Variants in MAST4 observed in about 807,000 individuals in gnomAD.
The protein encoded by MAST4 is microtubule associated serine/threonine kinase family member 4.
In MAST4, 89 loss-of-function variants were observed where a neutral mutation model predicts 162.7. The observed-to-expected ratio is 0.55, with a 90% CI of 0.46 to 0.65. MAST4 has a LOEUF of 0.65. Ranked by LOEUF, MAST4 falls within the 30% of genes least tolerant of loss-of-function variation. MAST4 has a pLI of 0.00. For missense variants in MAST4, 3,153 were observed against 3,374.0 expected (o/e 0.93, Z 1.62); for synonymous variants, 1,479 against 1,361.1 (o/e 1.09, Z -1.91).
chr5:67,027,193 A>T (rs1754752431), intron 4 of MAST4, among the ~76,000 whole-genome samples: 1 of 152,298 alleles, frequency 6.6e-6, no homozygotes, highest in Non-Finnish European at 1.5e-5. Context: ...GTACTAAGAA[A>T]GGTGATTTGA....
chr5:66,612,258 A>G (rs1191269972), intron 1 of MAST4, among the ~76,000 whole-genome samples: 3 of 152,180 alleles, frequency 2.0e-5, no homozygotes, highest in Non-Finnish European at 4.4e-5. Context: ...TCTGAAGGGC[A>G]GAAAAGGAGG....
intron 1 of MAST4, among the ~76,000 whole-genome samples, chr5:66,684,896 T>C (rs927523189): frequency 6.6e-6 from 1 of 152,180 alleles, no homozygotes; most frequent in Non-Finnish European, 1.5e-5. Flanking sequence ...TGCTGACTGC[T>C]ACAATTCCAG....
chr5:66,705,632 C>T (rs888432623), intron 1 of MAST4, among the ~76,000 whole-genome samples: 2 of 152,146 alleles, frequency 1.3e-5, no homozygotes, highest in African/African-American at 4.8e-5. Flanking sequence ...ATTTTTGTAG[C>T]CATATGCCTG....
intron 2 of MAST4, among the ~76,000 whole-genome samples, chr5:66,764,675 A>G (rs989211362): frequency 1.3e-5 from 2 of 152,208 alleles, no homozygotes; most frequent in Non-Finnish European, 2.9e-5. Context: ...TTATAGAATA[A>G]GGATATAAAG....
At chr5:66,601,647 C>T (rs139921444) in intron 1 of MAST4, among the ~76,000 whole-genome samples, 60 of 152,144 alleles carry the variant, frequency 3.9e-4, no homozygotes, top group Admixed American at 9.8e-4. Context: ...CAGGAGAGAG[C>T]ATGGGTCCAT....
chr5:66,621,690 C>T (rs987646252), intron 1 of MAST4, among the ~76,000 whole-genome samples: 20 of 152,300 alleles, frequency 1.3e-4, no homozygotes, highest in Non-Finnish European at 7.3e-5. Flanking sequence ...GTCTACCCAA[C>T]AAATACTAAT....
At chr5:66,820,297 T>C (rs781582774) in intron 3 of MAST4, among the ~76,000 whole-genome samples, 2 of 152,234 alleles carry the variant, frequency 1.3e-5, no homozygotes, top group Non-Finnish European at 2.9e-5. Flanking sequence ...TTTCAGAAGC[T>C]CATAAAATAC....
rs534215926 is a variant in MAST4 at position 67,037,123 on chromosome 5, A to G, written c.675-17281A>G. Among the ~76,000 whole-genome samples the G allele has an allele frequency of 3.9e-5, 6 of 152,272 alleles. No homozygotes were observed. In the South Asian group the frequency reaches 8.3e-4, roughly 21 times the overall value. On this transcript the variant is annotated intron_variant, in intron 4 of 28. Coordinates refer to ENST00000403625, the MANE Select transcript of MAST4 (RefSeq NM_001164664.2). ...CCAGTAAAAAGGAAAGGTCGGGTGC[A>G]GTGGCTTAAGCTTGTAATCCCAGCA... is the stretch of plus-strand genomic sequence containing the variant.
At chr5:66,963,519 G>C (rs1006399984) in intron 4 of MAST4, among the ~76,000 whole-genome samples, 1 of 152,194 alleles carries the variant, frequency 6.6e-6, no homozygotes, top group African/African-American at 2.4e-5. Context: ...GTAAATTTCA[G>C]CAGGAAGCAT....
intron 4 of MAST4, among the ~76,000 whole-genome samples, chr5:66,936,483 G>A (rs746502677): frequency 2.0e-5 from 3 of 152,220 alleles, no homozygotes; most frequent in Non-Finnish European, 4.4e-5. Flanking sequence ...TAGGGGTGGG[G>A]CCATTTTATA....
chr5:66,794,677 T>C (rs1054987913), intron 3 of MAST4, among the ~76,000 whole-genome samples: 1 of 152,218 alleles, frequency 6.6e-6, no homozygotes, highest in Non-Finnish European at 1.5e-5. Context: ...AAAAATATCT[T>C]TCTAGAATTC....
intron 1 of MAST4, among the ~76,000 whole-genome samples, chr5:66,614,283 CAGTTATTTTTATT>C (rs1743496841): frequency 6.6e-6 from 1 of 152,318 alleles, no homozygotes. Flanking sequence ...TTCTCTGTCT[CAGTTATTTTTATT>C]ATAACCACAG....
chr5:66,633,896 A>C (rs951115949), intron 1 of MAST4, among the ~76,000 whole-genome samples: 2 of 152,164 alleles, frequency 1.3e-5, no homozygotes, highest in African/African-American at 4.8e-5. Flanking sequence ...GTCAGCTTGC[A>C]CTGTGGCACA....
intron 3 of MAST4, among the ~76,000 whole-genome samples, chr5:66,886,334 A>G (rs1479091710): frequency 1.3e-5 from 2 of 152,152 alleles, no homozygotes; most frequent in Non-Finnish European, 2.9e-5. Flanking sequence ...ACTCAGTGTA[A>G]TTCAGTTTTC....
chr5:66,779,203 A>G (rs933772839), intron 2 of MAST4, among the ~76,000 whole-genome samples: 1 of 152,202 alleles, frequency 6.6e-6, no homozygotes, highest in African/African-American at 2.4e-5. Flanking sequence ...TTACAGTCTT[A>G]AGACCTTGAT....
chr5:67,005,162 C>G (rs1215121768), intron 4 of MAST4: 1 of 715,762 alleles, frequency 1.4e-6, no homozygotes, highest in Non-Finnish European at 2.6e-6. Context: ...CTGCCTGAGC[C>G]CCTCAGGAGC....
intron 3 of MAST4, among the ~76,000 whole-genome samples, chr5:66,866,109 G>A (rs36147): frequency 0.52 from 77,570 of 147,804 alleles, 22,157 homozygotes; most frequent in Non-Finnish European, 0.64. Flanking sequence ...AATAGAGTAC[G>A]TTGCTGGTAG....
intron 5 of MAST4, among the ~76,000 whole-genome samples, chr5:67,087,078 T>C (rs1335861097): frequency 6.6e-6 from 1 of 152,006 alleles, no homozygotes; most frequent in African/African-American, 2.4e-5. Context: ...CTAAGGAAAA[T>C]GGAGGAATTT....
chr5:67,165,670 G>A lies in MAST4; in HGVS notation c.6491G>A (p.Gly2164Glu), dbSNP rs1169499485. The A allele has an allele frequency of 1.3e-6, 2 of 1,595,892 alleles. No homozygotes were observed. Among genetic ancestry groups the A allele is most frequent in the South Asian group, 1.1e-5 (1 of 88,528 alleles). The change falls in exon 29 of 29, where the codon GGG becomes GAG. Residue 2164 changes from glycine to glutamate, a missense_variant. Around this residue, in one of 7 missense-constraint regions of MAST4, gnomAD observed 1,644 missense variants for 1,495.0 expected, o/e 1.10. Transcript: ENST00000403625. ...AGCCACGCTTCTGGCAGAGAGCCGG[G>A]GGCCAAGCCCAGCACTGCAGAGCCC... ...SPSHASGREPGAKPSTAEPSS... is the reference protein window; with the variant it reads ...SPSHASGREPEAKPSTAEPSS...
Sources: gnomAD v4.1 joint callset for allele counts (sites outside exome capture counted in the v4.1 genomes callset) on GRCh38, gnomAD v4.1.1 for gene constraint, gnomAD v4.1.1 regional missense constraint, MANE v1.5 for transcripts, NCBI Gene and HGNC (gene_info 2026-07-23, HGNC 2026-07-21) for gene names.